Variants in RGS7 observed in about 807,000 individuals in gnomAD.
RGS7 encodes regulator of G-protein signaling 7.
RGS7 carries 27 observed loss-of-function variants against 81.1 expected under a neutral mutation model. The ratio of observed to expected loss-of-function variants is 0.33; its 90% CI spans 0.25 to 0.46. The LOEUF is 0.46. RGS7 is among the 20% of genes least tolerant of loss of function. The pLI, the probability that RGS7 is intolerant of heterozygous loss-of-function variation, is 1.00. For synonymous variants in RGS7, 208 were observed against 207.7 expected (o/e 1.00, Z -0.01); for missense variants, 396 against 607.4 (o/e 0.65, Z 3.66).
intron 4 of RGS7, among the ~76,000 whole-genome samples, chr1:240,937,339 C>A (rs1159564207): frequency 6.6e-6 from 1 of 152,188 alleles, no homozygotes; most frequent in African/African-American, 2.4e-5. Context: ...TGCTCGTTTT[C>A]CTTGCGACTC....
At chr1:240,955,136 A>G (rs1202496451) in intron 4 of RGS7, among the ~76,000 whole-genome samples, 2 of 152,204 alleles carry the variant, frequency 1.3e-5, no homozygotes, top group Non-Finnish European at 2.9e-5. Context: ...TCAATGTTTT[A>G]AAGATGCCAA....
chr1:241,121,735 T>TTTTTA (rs2066274745), intron 2 of RGS7, among the ~76,000 whole-genome samples: 7 of 144,624 alleles, frequency 4.8e-5, no homozygotes, highest in African/African-American at 1.8e-4. Flanking sequence ...TTTTTTTTTT[T>TTTTTA]GAGACAGGGT....
chr1:241,331,896 C>T (rs995712741), intron 2 of RGS7, among the ~76,000 whole-genome samples: 3 of 152,194 alleles, frequency 2.0e-5, no homozygotes, highest in African/African-American at 4.8e-5. Context: ...GCATCAATAA[C>T]ATGCTGAGGG....
intron 6 of RGS7, among the ~76,000 whole-genome samples, chr1:240,874,669 C>T (rs1665061596): frequency 6.6e-6 from 1 of 152,106 alleles, no homozygotes; most frequent in African/African-American, 2.4e-5. Context: ...AGGTTATACG[C>T]TTTGCTATGA....
intron 9 of RGS7, among the ~76,000 whole-genome samples, chr1:240,851,215 T>C (rs938277318): frequency 6.6e-6 from 1 of 152,234 alleles, no homozygotes; most frequent in African/African-American, 2.4e-5. Context: ...TGATTGTAAG[T>C]TGAGGCTAAT....
intron 2 of RGS7, among the ~76,000 whole-genome samples, chr1:241,099,324 C>T (rs1314275222): frequency 2.1e-5 from 3 of 140,514 alleles, no homozygotes; most frequent in Non-Finnish European, 4.7e-5. Context: ...CACACATACA[C>T]ACTCTCATGC....
chr1:241,327,026 GGAAGGAAGGA>G, intron 2 of RGS7, among the ~76,000 whole-genome samples: 1 of 25,032 alleles, frequency 4.0e-5, no homozygotes, highest in African/African-American at 1.5e-4. Flanking sequence ...AAGGAAGGAA[GGAAGGAAGGA>G]AGGGAGGGAG....
intron 3 of RGS7, among the ~76,000 whole-genome samples, chr1:240,994,676 T>C (rs957347916): frequency 1.3e-5 from 2 of 151,970 alleles, no homozygotes; most frequent in African/African-American, 4.8e-5. Context: ...TCTTGCTTTA[T>C]TGCCCTGACT....
chr1:241,292,674 A>G (rs10737858), intron 2 of RGS7, among the ~76,000 whole-genome samples: 130,204 of 152,252 alleles, frequency 0.86, 55,952 homozygotes, highest in East Asian at 1. Flanking sequence ...GGTTAACAGT[A>G]GGTAGATCTG....
chr1:241,087,314 C>T (rs1452288533), intron 3 of RGS7, among the ~76,000 whole-genome samples: 1 of 151,908 alleles, frequency 6.6e-6, no homozygotes, highest in South Asian at 2.1e-4. Flanking sequence ...TTCACTTGAA[C>T]AATATTTAAA....
intron 2 of RGS7, among the ~76,000 whole-genome samples, chr1:241,150,442 C>T (rs1238266022): frequency 8.5e-5 from 13 of 152,144 alleles, no homozygotes; most frequent in Non-Finnish European, 4.4e-5. Context: ...AACTTTATGA[C>T]TCTGAGTCCC....
chr1:241,239,957 G>A (rs2076185868), intron 2 of RGS7, among the ~76,000 whole-genome samples: 1 of 152,186 alleles, frequency 6.6e-6, no homozygotes, highest in South Asian at 2.1e-4. Context: ...TAAAACAGAA[G>A]TGGCTCAAGG....
At chr1:241,195,766 GAT>G (rs138876360) in intron 2 of RGS7, among the ~76,000 whole-genome samples, 26,306 of 151,864 alleles carry the variant, frequency 0.17, 2,864 homozygotes, top group African/African-American at 0.31. Context: ...TGAATTGGAA[GAT>G]AGGTCAGAAA....
chr1:241,247,936 G>A (rs1272387620), intron 2 of RGS7, among the ~76,000 whole-genome samples: 1 of 152,136 alleles, frequency 6.6e-6, no homozygotes, highest in Non-Finnish European at 1.5e-5. Context: ...CTCTCTATAT[G>A]GTCAAGCTGA....
At chr1:241,122,669 G>GAAAAAAAAAAAAAAAAAA (rs200013731) in intron 2 of RGS7, among the ~76,000 whole-genome samples, 1 of 79,542 alleles carries the variant, frequency 1.3e-5, no homozygotes, top group Non-Finnish European at 2.8e-5. Flanking sequence ...ATCACAAAAA[G>GAAAAAAAAAAAAAAAAAA]AAAAAAAAAA....
rs2077919194 is a variant in RGS7, at chr1:241,271,889, G to A, written c.78+83810C>T. 6.7e-4 allele frequency among the ~76,000 whole-genome samples: 5 copies of A among 7,486 alleles called. No individual in the cohort carries two copies. The Admixed American group carries it at 9.3e-3, about 14-fold the overall frequency. 4.9% of individuals were successfully genotyped at this position (7,486 alleles called of 152,430 possible). ...CACAAGCCAAATCTTTATAACGTGTGTGTGTGTGTGTGTGTGTGTGTGTGT... is the reference window on the plus strand; with the variant it reads ...CACAAGCCAAATCTTTATAACGTGTATGTGTGTGTGTGTGTGTGTGTGTGT... On this transcript the variant is annotated intron_variant, in intron 2 of 18. Transcript: ENST00000440928. The surrounding 1 kb of genome is among the most constrained non-coding windows in gnomAD (Gnocchi z 4.6).
chr1:240,816,601 C>T (rs538106422), intron 10 of RGS7, among the ~76,000 whole-genome samples, 186 bp from the exon 11 acceptor site: 13 of 152,048 alleles, frequency 8.5e-5, no homozygotes, highest in Admixed American at 2.6e-4. Flanking sequence ...AAGCACAGCT[C>T]GGAAAAAATG....
Position 240,940,607 on chromosome 1 carries a change from C to T in RGS7, c.227-3901G>A, listed in dbSNP as rs111245049. On this transcript the variant is annotated intron_variant, in intron 4 of 18. Coordinates refer to ENST00000440928, the MANE Select transcript of RGS7 (RefSeq NM_001364886.1). ...AAGTTACGGCACATAAGGAAATCTG[C>T]GGAGTATAGATACAAGAAGGGAAAA... Among the ~76,000 whole-genome samples, 1,464 of 152,146 alleles carry T rather than the reference C, an allele frequency of 9.6e-3. 27 individuals carry two copies. Among genetic ancestry groups the T allele is most frequent in the African/African-American group, 0.034 (1,390 of 41,486 alleles).
chr1:241,156,934 A>C (rs2069200139), intron 2 of RGS7, among the ~76,000 whole-genome samples: 1 of 152,078 alleles, frequency 6.6e-6, no homozygotes, highest in Admixed American at 6.6e-5. Flanking sequence ...TGTCATTACC[A>C]AGGATCCTTT....
Sources: allele counts gnomAD v4.1 joint callset (sites outside exome capture counted in the v4.1 genomes callset), GRCh38; gene constraint gnomAD v4.1.1; non-coding constraint Gnocchi (gnomAD v3.1); transcripts MANE v1.5; gene names NCBI Gene and HGNC (gene_info 2026-07-23, HGNC 2026-07-21).